Variants in COL23A1 observed in about 807,000 individuals in gnomAD.
The protein encoded by COL23A1 is collagen alpha-1(XXIII) chain.
A neutral mutation model predicts 99.3 loss-of-function variants in COL23A1; 97 were observed. That is an observed-to-expected ratio of 0.98 (90% confidence interval 0.83 to 1.16). COL23A1 has a LOEUF of 1.16. Among genes scored for constraint, COL23A1 ranks in the 50% most tolerant of loss-of-function variants. The pLI is 0.00. For synonymous variants in COL23A1, 320 were observed against 308.2 expected (o/e 1.04, Z -0.40); for missense variants, 762 against 757.4 (o/e 1.01, Z -0.07).
chr5:178,305,991 G>A (rs879905411), intron 3 of COL23A1, among the ~76,000 whole-genome samples: 9 of 152,226 alleles, frequency 5.9e-5, no homozygotes, highest in Admixed American at 4.6e-4. Context: ...GTCCAACCTC[G>A]GGGACCCGGA....
At chr5:178,242,537 G>A (rs1014250985) in intron 25 of COL23A1, 143 bp from the exon 26 acceptor site, 3 of 775,188 alleles carry the variant, frequency 3.9e-6, no homozygotes, top group Non-Finnish European at 4.4e-6. Context: ...AGCCCTAGCT[G>A]TAGGTGATAC....
At chr5:178,312,675 G>A (rs112952522) in intron 2 of COL23A1, among the ~76,000 whole-genome samples, 2 of 146,114 alleles carry the variant, frequency 1.4e-5, no homozygotes, top group Admixed American at 6.8e-5. Context: ...CACCTCAGCC[G>A]CACTGGGGAC....
At position 178,505,670 on chromosome 5, in the gene COL23A1, A is replaced by G. The variant is rs74386389; in HGVS notation, c.361+55012T>C. Among the ~76,000 whole-genome samples the G allele has an allele frequency of 5.7e-4, 87 of 152,322 alleles. 1 individual carries two copies. The East Asian group carries it at 0.016, about 29-fold the overall frequency. ...TCCAAATAAGGTCACATTTGCAGGT[A>G]CCAGAAGTTAGGACTTCAGCATCTT... On this transcript the variant is annotated intron_variant, in intron 2 of 28. Coordinates refer to ENST00000390654, the MANE Select transcript of COL23A1 (RefSeq NM_173465.4).
chr5:178,270,094 G>A (rs181455890), intron 6 of COL23A1, among the ~76,000 whole-genome samples: 11 of 152,332 alleles, frequency 7.2e-5, no homozygotes, highest in Admixed American at 3.9e-4. Context: ...CTATGAGAGA[G>A]GGGTTCATGT....
At chr5:178,580,049 C>T (rs539388388) in intron 1 of COL23A1, among the ~76,000 whole-genome samples, 18 of 152,022 alleles carry the variant, frequency 1.2e-4, no homozygotes, top group Non-Finnish European at 2.1e-4. Context: ...GACATGAGGC[C>T]GGGCATGGTG....
Position 178,248,216 on chromosome 5 carries a change from C to T in COL23A1, c.1188G>A (p.Ala396=), listed in dbSNP as rs2913851. The T allele has an allele frequency of 0.46, 746,117 of 1,605,710 alleles. 180,466 individuals are homozygous for T. Among genetic ancestry groups the T allele is most frequent in the Middle Eastern group, 0.52 (3,124 of 6,040 alleles). The change falls in exon 20 of 29, where the codon GCG becomes GCA. Residue 396 remains alanine, a synonymous_variant. Coordinates refer to ENST00000390654, the MANE Select transcript of COL23A1 (RefSeq NM_173465.4). The stretch of plus-strand genomic sequence containing the variant: ...CCAGGCTCTCCTGTAGGCTGTCAGA[C>T]GCCGACTCCCCCTTCTCCCCCTTGA... ...DGLKGEKGES[A]SDSLQESLAQ...
rs1233720338 is a variant in COL23A1, at chr5:178,340,605, C to T, written c.362-33686G>A. Among the ~76,000 whole-genome samples, 1 of 152,204 alleles carries T rather than the reference C, an allele frequency of 6.6e-6. No homozygotes were observed. Among genetic ancestry groups the T allele is most frequent in the Non-Finnish European group, 1.5e-5 (1 of 68,040 alleles). ...CAGAGGTCAGGAGTGGCCTGAAGTT[C>T]TCTCAGGAGAAGCTGATGGTCCCAG... On this transcript the variant is annotated intron_variant, in intron 2 of 28. Coordinates refer to ENST00000390654, the MANE Select transcript of COL23A1 (RefSeq NM_173465.4). This position sits in a 1 kb window ranked among gnomAD's most constrained non-coding sequence, Gnocchi z 4.7.
At chr5:178,551,555 C>T (rs1267803714) in intron 2 of COL23A1, among the ~76,000 whole-genome samples, 1 of 152,282 alleles carries the variant, frequency 6.6e-6, no homozygotes, top group African/African-American at 2.4e-5. Context: ...CTGCTTCAGG[C>T]TTCTCTGTCT....
intron 2 of COL23A1, among the ~76,000 whole-genome samples, chr5:178,480,310 C>T (rs955255414): frequency 2.6e-5 from 4 of 152,164 alleles, no homozygotes; most frequent in East Asian, 1.9e-4. Context: ...GTTCCAGACC[C>T]GGACTCTGGA....
chr5:178,391,151 C>T (rs1357995197), intron 2 of COL23A1, among the ~76,000 whole-genome samples: 2 of 152,202 alleles, frequency 1.3e-5, no homozygotes, highest in African/African-American at 4.8e-5. Flanking sequence ...GCAAGGCATC[C>T]AGGCTGTGCA....
At chr5:178,489,405 G>C (rs933203419) in intron 2 of COL23A1, among the ~76,000 whole-genome samples, 1 of 152,210 alleles carries the variant, frequency 6.6e-6, no homozygotes, top group Admixed American at 6.5e-5. Flanking sequence ...GTTCAGACTT[G>C]GACTGAGCCA....
chr5:178,586,842 G>GA (rs1206662795), intron 1 of COL23A1, among the ~76,000 whole-genome samples: 2 of 152,138 alleles, frequency 1.3e-5, no homozygotes, highest in Non-Finnish European at 2.9e-5. Flanking sequence ...CAAAGAGGCT[G>GA]AAAAATCTCC....
At position 178,307,294 on chromosome 5, in the gene COL23A1, G is replaced by A. The variant is rs1277142636; in HGVS notation, c.362-375C>T. On this transcript the variant is annotated intron_variant, in intron 2 of 28. Transcript: ENST00000390654. The surrounding 1 kb of genome is among the most constrained non-coding windows in gnomAD (Gnocchi z 4.2). ...CTTCAGACTTAGGAGGAAAGTAAGGGTGGGTTATCTTAGGAAAGCCCTGAC... is the reference window on the plus strand; with the variant it reads ...CTTCAGACTTAGGAGGAAAGTAAGGATGGGTTATCTTAGGAAAGCCCTGAC... Among the ~76,000 whole-genome samples the A allele has an allele frequency of 6.6e-6, 1 of 152,206 alleles. No individual in the cohort carries two copies. Among genetic ancestry groups the A allele is most frequent in the African/African-American group, 2.4e-5 (1 of 41,444 alleles).
intron 2 of COL23A1, among the ~76,000 whole-genome samples, chr5:178,334,104 G>T (rs1760190151): frequency 6.6e-6 from 1 of 152,140 alleles, no homozygotes; most frequent in Non-Finnish European, 1.5e-5. Context: ...AAGGCTGTGG[G>T]CTAAGGGTAC....
chr5:178,562,740 G>A (rs1177447071), intron 1 of COL23A1: 4 of 78,446 alleles, frequency 5.1e-5, no homozygotes, highest in African/African-American at 9.3e-5. Flanking sequence ...TGGTGGTGGG[G>A]GGGGTGCGGG....
At chr5:178,248,085 C>CG in intron 20 of COL23A1, 107 bp downstream of exon 20, 1 of 819,338 alleles carries the variant, frequency 1.2e-6, no homozygotes, top group Non-Finnish European at 2.0e-6. Context: ...TCCCCTACTG[C>CG]CCTGGGTTTG....
Position 178,428,610 on chromosome 5 carries a change from C to T in COL23A1, c.362-121691G>A, listed in dbSNP as rs963796611. Among the ~76,000 whole-genome samples the T allele has an allele frequency of 6.6e-6, 1 of 152,232 alleles. No homozygotes were observed. Among genetic ancestry groups the T allele is most frequent in the Non-Finnish European group, 1.5e-5 (1 of 68,038 alleles). On this transcript the variant is annotated intron_variant, in intron 2 of 28. Coordinates refer to ENST00000390654, the MANE Select transcript of COL23A1 (RefSeq NM_173465.4). This position sits in a 1 kb window ranked among gnomAD's most constrained non-coding sequence, Gnocchi z 5.0. ...GCCCGGCCCAGGCCTTTTTAGCCCC[C>T]GAGCCAGGATGGCAGCCTCTTCTCC...
Position 178,499,916 on chromosome 5 carries a change from T to G in COL23A1, c.361+60766A>C, listed in dbSNP as rs190328401. 8.2e-4 allele frequency among the ~76,000 whole-genome samples: 125 copies of G among 152,332 alleles called. 2 individuals are homozygous for G. The highest frequency in any genetic ancestry group is 1.5e-3 in the Non-Finnish European group (103 of 68,026). ...ATAAATGCTACACCATGGGTGAATC[T>G]TGATATAATTACGCTGAATGAAAGA... On this transcript the variant is annotated intron_variant, in intron 2 of 28. Coordinates refer to ENST00000390654, the MANE Select transcript of COL23A1 (RefSeq NM_173465.4).
At chr5:178,452,863 C>T (rs543166416) in intron 2 of COL23A1, among the ~76,000 whole-genome samples, 1 of 152,300 alleles carries the variant, frequency 6.6e-6, no homozygotes, top group East Asian at 1.9e-4. Context: ...TTGTCAATGT[C>T]CGTCAAAATC....
Sources: allele counts gnomAD v4.1 joint callset (sites outside exome capture counted in the v4.1 genomes callset), GRCh38; gene constraint gnomAD v4.1.1; non-coding constraint Gnocchi (gnomAD v3.1); transcripts MANE v1.5; gene names NCBI Gene and HGNC (gene_info 2026-07-23, HGNC 2026-07-21).